Variants in TM4SF20 observed in about 807,000 individuals in gnomAD.
The protein encoded by TM4SF20 is transmembrane 4 L6 family member 20.
Under a neutral mutation model 15.1 loss-of-function variants are expected in TM4SF20, and 13 were observed. The ratio of observed to expected loss-of-function variants is 0.86; its 90% CI spans 0.56 to 1.36. The LOEUF (loss-of-function observed/expected upper bound fraction) is 1.36, where lower values mean the gene tolerates loss of function less well. Ranked by LOEUF, TM4SF20 falls within the 40% of genes most tolerant of loss-of-function variation. The pLI, the probability that TM4SF20 is intolerant of heterozygous loss-of-function variation, is 0.00. For missense variants in TM4SF20, 282 were observed against 268.4 expected, an observed-to-expected ratio of 1.05 and a Z score of -0.35; for synonymous variants, 92 against 96.6, an observed-to-expected ratio of 0.95 and a Z score of 0.28.
chr2:227,368,722 G>A (rs539198087), intron 2 of TM4SF20, among the ~76,000 whole-genome samples: 1 of 152,276 alleles, frequency 6.6e-6, no homozygotes, highest in East Asian at 1.9e-4. Flanking sequence ...AGTGATTCCA[G>A]GCATGTGTAT....
intron 2 of TM4SF20, among the ~76,000 whole-genome samples, chr2:227,367,465 G>A (rs1288056589): frequency 3.3e-5 from 5 of 152,058 alleles, no homozygotes; most frequent in African/African-American, 1.2e-4. Context: ...CTTGAGCCCA[G>A]GAGTTCGAGA....
chr2:227,364,058 C>T (rs1175264065), intron 3 of TM4SF20, 46 bp from the exon 4 acceptor site: 2 of 1,551,038 alleles, frequency 1.3e-6, no homozygotes, highest in East Asian at 2.3e-5. Context: ...ATATCCCTGA[C>T]CAAAGGAAAG....
chr2:227,375,157 C>T (rs895849599), intron 1 of TM4SF20, among the ~76,000 whole-genome samples: 2 of 151,872 alleles, frequency 1.3e-5, no homozygotes, highest in Non-Finnish European at 2.9e-5. Context: ...GAACTCCTGC[C>T]CTCAGGTGAT....
Position 227,372,638 on chromosome 2 carries a change from T to C in TM4SF20, c.184-1658A>G, listed in dbSNP as rs542243257. On this transcript the variant is annotated intron_variant, in intron 1 of 3. Transcript: ENST00000304568. ...CCTGGCGACAGAGCGAGACTCTATC[T>C]CAAAAAAACAAACAACAACAACAAA... 7.3e-5 allele frequency among the ~76,000 whole-genome samples: 11 copies of C among 150,348 alleles called. No homozygotes were observed. The East Asian group carries it at 2.2e-3, about 30-fold the overall frequency.
At chr2:227,370,114 T>G (rs966030294) in intron 2 of TM4SF20, among the ~76,000 whole-genome samples, 5 of 152,200 alleles carry the variant, frequency 3.3e-5, no homozygotes, top group African/African-American at 9.7e-5. Context: ...TTATACATAG[T>G]GGGTAGGCAT....
At chr2:227,376,259 G>A (rs558494522) in intron 1 of TM4SF20, among the ~76,000 whole-genome samples, 1 of 152,210 alleles carries the variant, frequency 6.6e-6, no homozygotes, top group African/African-American at 2.4e-5. Flanking sequence ...GCTTATCACA[G>A]GCAGTGATTT....
intron 2 of TM4SF20, among the ~76,000 whole-genome samples, chr2:227,370,312 G>A (rs1008533806): frequency 7.9e-5 from 12 of 152,224 alleles, no homozygotes; most frequent in Admixed American, 6.5e-4. Flanking sequence ...AGCTGTGGGC[G>A]TGACTTACCA....
Position 227,379,251 on chromosome 2 carries a change from T to C in TM4SF20, c.18A>G (p.Gly6=). 6.2e-7 allele frequency: 1 copy of C among 1,614,128 alleles called. No individual in the cohort carries two copies. The highest frequency in any genetic ancestry group is 1.1e-5 in the South Asian group (1 of 91,070). Residue 6 remains glycine, a synonymous_variant, in exon 1 of 4, where the codon GGA becomes GGG. Coordinates refer to ENST00000304568, the MANE Select transcript of TM4SF20 (RefSeq NM_024795.4). ...GGCTGAATCCATTGCAGGATGTCCATCCTTCGCAGCAGGTCATGGTCACCC... is the reference window on the plus strand; with the variant it reads ...GGCTGAATCCATTGCAGGATGTCCACCCTTCGCAGCAGGTCATGGTCACCC... MTCCE[G]WTSCNGFSLL... is the part of the protein sequence containing the mutation.
intron 1 of TM4SF20, among the ~76,000 whole-genome samples, chr2:227,375,769 A>G (rs56002911): frequency 0.19 from 28,946 of 152,072 alleles, 2,793 homozygotes; most frequent in South Asian, 0.29. Flanking sequence ...GATTACAGAC[A>G]TGAGCCACCG....
chr2:227,366,814 A>AT (rs753701066), intron 2 of TM4SF20, among the ~76,000 whole-genome samples: 10 of 146,984 alleles, frequency 6.8e-5, no homozygotes, highest in Non-Finnish European at 1.3e-4. Context: ...CCTGAGTCTC[A>AT]TCTGTTTCTT....
upstream of TM4SF20, among the ~76,000 whole-genome samples, chr2:227,381,221 G>A (rs1250128639): frequency 6.6e-6 from 1 of 151,984 alleles, no homozygotes; most frequent in African/African-American, 2.4e-5. Context: ...TAGTTGCAGT[G>A]AGCCAAGATC....
Position 227,379,078 on chromosome 2 carries a change from T to C in TM4SF20, c.183+8A>G. On this transcript the variant is annotated splice_region_variant and intron_variant, in intron 1 of 3. Coordinates refer to ENST00000304568, the MANE Select transcript of TM4SF20 (RefSeq NM_024795.4). ...TTCTTCACATCAAGTCAAATAAATA[T>C]CACTCACCATCAGACCTGCTCCTAT... 1.9e-6 allele frequency: 3 copies of C among 1,612,782 alleles called. No individual in the cohort carries two copies. The highest frequency in any genetic ancestry group is 1.1e-5 in the South Asian group (1 of 90,832).
At chr2:227,371,349 T>A (rs2076420343) in intron 1 of TM4SF20, among the ~76,000 whole-genome samples, 1 of 152,208 alleles carries the variant, frequency 6.6e-6, no homozygotes, top group Non-Finnish European at 1.5e-5. Flanking sequence ...CTGTTGTTTG[T>A]TTGTTTAAAG....
intron 1 of TM4SF20, among the ~76,000 whole-genome samples, chr2:227,371,726 C>A (rs73997114): frequency 0.047 from 7,104 of 152,230 alleles, 439 homozygotes; most frequent in East Asian, 0.13. Context: ...ATTCTGTCAC[C>A]ACCCACTCCC....
At chr2:227,366,393 A>C in intron 2 of TM4SF20, 149 bp from the exon 3 acceptor site, 1 of 648,412 alleles carries the variant, frequency 1.5e-6, no homozygotes. Context: ...AATGATACAA[A>C]AAGGCAGAGG....
chr2:227,362,174 G>T lies in TM4SF20; in HGVS notation c.*1550C>A, dbSNP rs559447769. ...CAGAAAATTTTAGATTTTTAGCTTT[G>T]CTGTTTTACAACATTTTAATGTGAT... On this transcript the variant is annotated 3_prime_UTR_variant, in exon 4 of 4. Transcript: ENST00000304568. 38 of 152,166 alleles carry T rather than the reference G, an allele frequency of 2.5e-4. No homozygotes were observed. Among genetic ancestry groups the T allele is most frequent in the African/African-American group, 8.7e-4 (36 of 41,528 alleles). 9.4% of individuals were successfully genotyped at this position (152,166 alleles called of 1,614,324 possible).
chr2:227,368,353 A>ATATT (rs1329198548), intron 2 of TM4SF20, among the ~76,000 whole-genome samples: 5 of 140,104 alleles, frequency 3.6e-5, no homozygotes, highest in Non-Finnish European at 7.7e-5. Context: ...ATATATATAT[A>ATATT]TAATTTTTTG....
chr2:227,366,659 G>A (rs1002683218), intron 2 of TM4SF20, among the ~76,000 whole-genome samples: 6 of 134,864 alleles, frequency 4.4e-5, no homozygotes, highest in African/African-American at 1.4e-4. Context: ...AACCCGGGAG[G>A]CAGTCATCCG....
chr2:227,377,935 G>A (rs1175945228), intron 1 of TM4SF20, among the ~76,000 whole-genome samples: 2 of 151,616 alleles, frequency 1.3e-5, no homozygotes, highest in Non-Finnish European at 2.9e-5. Context: ...CAAGATACAC[G>A]TTTACCTATG....
Sources: gnomAD v4.1 joint callset for allele counts (sites outside exome capture counted in the v4.1 genomes callset) on GRCh38, gnomAD v4.1.1 for gene constraint, MANE v1.5 for transcripts, NCBI Gene and HGNC (gene_info 2026-07-23, HGNC 2026-07-21) for gene names.